The following ELL2 variants were observed in gnomAD, a reference collection of about 807,000 sequenced individuals.
The protein encoded by ELL2 is RNA polymerase II elongation factor ELL2.
ELL2 carries 21 observed loss-of-function variants against 72.8 expected under a neutral mutation model. The ratio of observed to expected loss-of-function variants is 0.29; its 90% CI spans 0.20 to 0.42. The LOEUF is 0.42. Ranked by LOEUF, ELL2 falls within the 10% of genes least tolerant of loss-of-function variation. The probability of loss-of-function intolerance (pLI) is 1.00; values close to 1 mark genes in which losing one functional copy is unlikely to be tolerated. For missense variants in ELL2, 568 were observed against 772.8 expected (o/e 0.73, Z 3.14); for synonymous variants, 266 against 283.2 (o/e 0.94, Z 0.61).
chr5:95,946,306 T>C (rs1363978510), intron 1 of ELL2, among the ~76,000 whole-genome samples: 1 of 152,062 alleles, frequency 6.6e-6, no homozygotes, highest in African/African-American at 2.4e-5. Context: ...CCAGGAAAAA[T>C]GATAAGATGT....
In ELL2 at chr5:95,906,534, T is replaced by C. The variant is rs968600593; in HGVS notation, c.730A>G (p.Ile244Val). Residue 244 changes from isoleucine (I) to valine (V), a missense_variant, in exon 5 of 12, where the codon ATT becomes GTT. This residue lies in a region of ELL2 where 511 missense variants were observed against 728.4 expected (regional missense o/e 0.70). Transcript: ENST00000237853. ...CCAGCTGTCCTCACCTGTTGCAGAA[T>C]TGCTCCCAGGGAGTTCTTGTCTTTT... ...NQKDKNSLGA[I>V]LQQVANLNSK... 4 of 1,610,878 alleles carry C rather than the reference T, an allele frequency of 2.5e-6. No individual in the cohort carries two copies. In the South Asian group the frequency reaches 3.3e-5, roughly 13 times the overall value.
chr5:95,900,111 A>C (rs920705277), intron 7 of ELL2: 1 of 152,006 alleles, frequency 6.6e-6, no homozygotes, highest in Non-Finnish European at 1.5e-5. Flanking sequence ...ATCAGCTGAG[A>C]ATCAGGCAGG....
At chr5:95,895,731 A>C (rs372156278) in intron 8 of ELL2, 40 bp from the exon 9 acceptor site, 4 of 1,499,712 alleles carry the variant, frequency 2.7e-6, no homozygotes, top group Non-Finnish European at 3.7e-6. Context: ...TTCATCAACT[A>C]CGAAGGTTAT....
chr5:95,887,600 A>C lies in ELL2; in HGVS notation c.*1271T>G, dbSNP rs145092214. On this transcript the variant is annotated 3_prime_UTR_variant, in exon 12 of 12. Transcript: ENST00000237853. ...CATAACTTATGTTCCCACATGATAAAACAAGTGACAGTTTAAATCAATGTC... is the reference window on the plus strand; with the variant it reads ...CATAACTTATGTTCCCACATGATAACACAAGTGACAGTTTAAATCAATGTC... 1.3e-5 allele frequency: 2 copies of C among 152,768 alleles called. 1 individual carries two copies. The highest frequency in any genetic ancestry group is 3.9e-4 in the East Asian group (2 of 5,186). 9.5% of individuals were successfully genotyped at this position (152,768 alleles called of 1,614,324 possible).
intron 2 of ELL2, among the ~76,000 whole-genome samples, chr5:95,924,430 T>C (rs1448631112): frequency 6.6e-6 from 1 of 152,144 alleles, no homozygotes; most frequent in Non-Finnish European, 1.5e-5. Context: ...GACCATTCCT[T>C]TGTGAGATAG....
chr5:95,906,047 C>T (rs2112288952), intron 5 of ELL2, among the ~76,000 whole-genome samples: 1 of 152,216 alleles, frequency 6.6e-6, no homozygotes, highest in East Asian at 1.9e-4. Context: ...GATCTTGGCA[C>T]ACTTAGTGGC....
intron 1 of ELL2, among the ~76,000 whole-genome samples, chr5:95,958,915 TA>T (rs56113412): frequency 0.27 from 40,565 of 151,592 alleles, 6,006 homozygotes; most frequent in African/African-American, 0.41. Flanking sequence ...TTTTTTTTTT[TA>T]AATTAAGAAC....
intron 4 of ELL2, among the ~76,000 whole-genome samples, chr5:95,912,079 T>C (rs1471213811): frequency 3.9e-5 from 6 of 152,234 alleles, no homozygotes; most frequent in African/African-American, 1.4e-4. Flanking sequence ...ATTTGTAGTA[T>C]CTATAAGAAA....
intron 5 of ELL2, among the ~76,000 whole-genome samples, chr5:95,904,644 T>A (rs1749287258): frequency 6.6e-6 from 1 of 152,234 alleles, no homozygotes; most frequent in African/African-American, 2.4e-5. Context: ...CAAAGCCTGA[T>A]TAATTATTTT....
At chr5:95,932,034 G>GT (rs1750621113) in intron 2 of ELL2, among the ~76,000 whole-genome samples, 1 of 149,336 alleles carries the variant, frequency 6.7e-6, no homozygotes, top group African/African-American at 2.5e-5. Context: ...CAAACATATA[G>GT]TATTTTAATT....
chr5:95,961,504 C>T (rs1400306340), intron 1 of ELL2, 71 bp downstream of exon 1: 7 of 1,372,576 alleles, frequency 5.1e-6, no homozygotes, highest in Non-Finnish European at 6.6e-6. Flanking sequence ...CGGCCCCGCA[C>T]CCGGGCGCGG....
chr5:95,937,763 A>G (rs1050189965), intron 2 of ELL2, among the ~76,000 whole-genome samples: 2 of 152,190 alleles, frequency 1.3e-5, no homozygotes, highest in African/African-American at 4.8e-5. Context: ...CAGAGCCAAG[A>G]GTATCAAGGT....
intron 3 of ELL2, among the ~76,000 whole-genome samples, chr5:95,916,338 G>C (rs1420544766): frequency 1.3e-5 from 2 of 152,144 alleles, no homozygotes; most frequent in Non-Finnish European, 2.9e-5. Flanking sequence ...TGACCTTGAA[G>C]GAATGAGGAG....
At chr5:95,944,831 G>A (rs1439818594) in intron 1 of ELL2, among the ~76,000 whole-genome samples, 2 of 152,178 alleles carry the variant, frequency 1.3e-5, no homozygotes, top group Non-Finnish European at 2.9e-5. Context: ...CAACTCAGAG[G>A]TTGTCTTCAG....
intron 5 of ELL2, among the ~76,000 whole-genome samples, chr5:95,904,349 T>C (rs1484673675): frequency 6.6e-6 from 1 of 152,224 alleles, no homozygotes; most frequent in Non-Finnish European, 1.5e-5. Flanking sequence ...CTGGATACAT[T>C]ATTCAACTTT....
rs185207483 is a variant in ELL2, at chr5:95,936,523, C to T, written c.195+6479G>A. 2.4e-4 allele frequency among the ~76,000 whole-genome samples: 36 copies of T among 152,246 alleles called. No homozygotes were observed. The East Asian group carries it at 6.9e-3, about 29-fold the overall frequency. On this transcript the variant is annotated intron_variant, in intron 2 of 11. Transcript: ENST00000237853. ...GGTGGGGCTGGGTGGTAGATCACCCCTGTAATCCCAGCACTTTGAGAGGCT... is the reference window on the plus strand; with the variant it reads ...GGTGGGGCTGGGTGGTAGATCACCCTTGTAATCCCAGCACTTTGAGAGGCT...
rs1419127222 is a variant in ELL2 at position 95,898,815 on chromosome 5, G to C, written c.955-5C>G. 1 of 1,488,624 alleles carries C rather than the reference G, an allele frequency of 6.7e-7. No homozygotes were observed. Among genetic ancestry groups the C allele is most frequent in the African/African-American group, 1.4e-5 (1 of 71,110 alleles). 92.2% of individuals were successfully genotyped at this position (1,488,624 alleles called of 1,614,324 possible). A position where few individuals can be genotyped will look rare whatever the true frequency, so the allele number is the denominator to read the frequency against. ...CTCTGAATCCAAAAGCCGTTTCTAG[G>C]GGAGGGAAAAGGAGAAAAGTGAGCC... On this transcript the variant is annotated splice_polypyrimidine_tract_variant and splice_region_variant and intron_variant, in intron 7 of 11. Coordinates refer to ENST00000237853, the MANE Select transcript of ELL2 (RefSeq NM_012081.6).
chr5:95,940,971 AG>A (rs1037608766), intron 2 of ELL2, among the ~76,000 whole-genome samples: 6 of 151,796 alleles, frequency 4.0e-5, no homozygotes, highest in Admixed American at 1.3e-4. Flanking sequence ...TGCAAAAAGA[AG>A]GGGGGGAGGG....
rs910973989 is a variant in ELL2 at position 95,887,181 on chromosome 5, C to T, written c.*1690G>A. The T allele has an allele frequency of 2.0e-5, 3 of 152,050 alleles. No homozygotes were observed. The highest frequency in any genetic ancestry group is 6.6e-5 in the Admixed American group (1 of 15,264). 9.4% of individuals were successfully genotyped at this position (152,050 alleles called of 1,614,324 possible). On this transcript the variant is annotated 3_prime_UTR_variant, in exon 12 of 12. Transcript: ENST00000237853. ...ATGCTACATAGAACCAAAATTTCTGCGGTAATGTTATAGAGTTGTAGTGCA... is the reference window on the plus strand; with the variant it reads ...ATGCTACATAGAACCAAAATTTCTGTGGTAATGTTATAGAGTTGTAGTGCA...
Sources: gnomAD v4.1 joint callset for allele counts (sites outside exome capture counted in the v4.1 genomes callset) on GRCh38, gnomAD v4.1.1 for gene constraint, gnomAD v4.1.1 regional missense constraint, MANE v1.5 for transcripts, NCBI Gene and HGNC (gene_info 2026-07-23, HGNC 2026-07-21) for gene names.